The following FBH1 variants were observed in gnomAD, a reference collection of about 807,000 sequenced individuals.
The protein encoded by FBH1 is DNA 3'-5' helicase 1.
FBH1 carries 43 observed loss-of-function variants against 115.5 expected under a neutral mutation model. The observed-to-expected ratio is 0.37, with a 90% CI of 0.29 to 0.48. The LOEUF (loss-of-function observed/expected upper bound fraction) is 0.48, where lower values mean the gene tolerates loss of function less well. Ranked by LOEUF, FBH1 falls within the 20% of genes least tolerant of loss-of-function variation. The pLI is 0.99. For missense variants in FBH1, 1,001 were observed against 1,337.3 expected, an observed-to-expected ratio of 0.75 and a Z score of 3.92; for synonymous variants, 524 against 507.8, an observed-to-expected ratio of 1.03 and a Z score of -0.43.
In FBH1 at chr10:5,927,576, C is replaced by A. The variant is rs2132090022; in HGVS notation, c.2829+35C>A. On this transcript the variant is annotated intron_variant, in intron 19 of 20. Transcript: ENST00000362091. ...ACGGGCAGCATGAGCTAACTTGATG[C>A]CATTGAATGTTATTTAGTCTGCTTG... 4 of 1,536,082 alleles carry A rather than the reference C, an allele frequency of 2.6e-6. No individual in the cohort carries two copies. In the South Asian group the frequency reaches 3.4e-5, roughly 13 times the overall value.
Position 5,937,122 on chromosome 10 carries a change from G to A in FBH1, c.2974G>A (p.Glu992Lys), listed in dbSNP as rs1284465555. The change falls in exon 21 of 21, where the codon GAA (glutamate) becomes AAA (lysine). Residue 992 changes from glutamate to lysine, a missense_variant. Glu to Lys is a moderately conservative substitution (Grantham distance 56). This residue lies in a region of FBH1 where 521 missense variants were observed against 811.0 expected (regional missense o/e 0.64). Coordinates refer to ENST00000362091, the MANE Select transcript of FBH1 (RefSeq NM_178150.3). ...KLPITYSNRK[E>K]NKGGYLCHSC... ...TCCATCACCACAGAGCAACAGGAAG[G>A]AAAACAAGGGGGGCTACCTCTGCCA... 1 of 1,604,678 alleles carries A rather than the reference G, an allele frequency of 6.2e-7. No individual in the cohort carries two copies. The highest frequency in any genetic ancestry group is 1.1e-5 in the South Asian group (1 of 89,802).
chr10:5,924,145 T>G lies in FBH1; in HGVS notation c.2399-166T>G. 1 of 650,778 alleles carries G rather than the reference T, an allele frequency of 1.5e-6. No individual in the cohort carries two copies. Among genetic ancestry groups the G allele is most frequent in the East Asian group, 2.7e-5 (1 of 36,804 alleles). The allele number at this position is 650,778 out of a possible 1,614,324, so 40.3% of individuals were successfully genotyped here. On this transcript the variant is annotated intron_variant, in intron 16 of 20. Coordinates refer to ENST00000362091, the MANE Select transcript of FBH1 (RefSeq NM_178150.3). This position sits in a 1 kb window ranked among gnomAD's most constrained non-coding sequence, Gnocchi z 6.2. ...GGAGAGGCTACTGCACTGCACTGACTTGCCCAGGGACACACAGCGAGTTAG... is the reference window on the plus strand; with the variant it reads ...GGAGAGGCTACTGCACTGCACTGACGTGCCCAGGGACACACAGCGAGTTAG...
chr10:5,894,413 T>G, intron 1 of FBH1: 1 of 1,610,370 alleles, frequency 6.2e-7, no homozygotes, highest in Non-Finnish European at 8.5e-7. Context: ...AGATACAGAG[T>G]GAAGAATGTC....
intron 2 of FBH1, among the ~76,000 whole-genome samples, chr10:5,903,795 C>T (rs1843521950): frequency 6.6e-6 from 1 of 152,182 alleles, no homozygotes; most frequent in Admixed American, 6.5e-5. Context: ...ACTCTTCATT[C>T]ATCTTCTCTG....
Position 5,895,119 on chromosome 10 carries a change from T to G in FBH1, c.1+4773T>G, listed in dbSNP as rs755927988. 2 of 1,614,108 alleles carry G rather than the reference T, an allele frequency of 1.2e-6. No homozygotes were observed. Among genetic ancestry groups the G allele is most frequent in the East Asian group, 4.5e-5 (2 of 44,876 alleles). On this transcript the variant is annotated intron_variant, in intron 1 of 20. Transcript: ENST00000362091. This position sits in a 1 kb window ranked among gnomAD's most constrained non-coding sequence, Gnocchi z 5.0. ...AATGGGCTACATTGCGCAGGGCCCC[T>G]GGGCCATCTCCACAGGAGATGCCAG...
chr10:5,922,935 G>A (rs957208066), intron 15 of FBH1, among the ~76,000 whole-genome samples: 20 of 152,198 alleles, frequency 1.3e-4, no homozygotes, highest in African/African-American at 4.8e-5. Context: ...CCAGGCTGGA[G>A]TGCAATGGTG....
In FBH1 at chr10:5,921,500, C is replaced by G; in HGVS notation, c.2253C>G (p.Asn751Lys). 1 of 1,600,326 alleles carries G rather than the reference C, an allele frequency of 6.2e-7. No individual in the cohort carries two copies. The highest frequency in any genetic ancestry group is 2.2e-5 in the East Asian group (1 of 44,846). ...KGQVALLSRT[N>K]ANVFDEAVRV... The stretch of plus-strand genomic sequence containing the variant: ...AAGTGGCCTTGTTGTCCCGGACCAA[C>G]GCCAACGTGTTTGATGAGGCCGTAC... Residue 751 changes from asparagine to lysine, a missense_variant, in exon 15 of 21, where the codon AAC becomes AAG. Asn to Lys is a moderately conservative substitution (Grantham distance 94). This residue lies in a region of FBH1 where 521 missense variants were observed against 811.0 expected (regional missense o/e 0.64). Transcript: ENST00000362091. The surrounding 1 kb of genome is among the most constrained non-coding windows in gnomAD (Gnocchi z 6.4).
intron 6 of FBH1, among the ~76,000 whole-genome samples, chr10:5,912,776 A>T (rs1055946501): frequency 3.9e-5 from 6 of 152,212 alleles, no homozygotes; most frequent in African/African-American, 1.2e-4. Flanking sequence ...CTCACCTAAC[A>T]TTAACTACTT....
rs973401527 is a variant in FBH1 at position 5,931,119 on chromosome 10, T to G, written c.2829+3578T>G. 4.7e-5 allele frequency among the ~76,000 whole-genome samples: 7 copies of G among 150,488 alleles called. No individual in the cohort carries two copies. The highest frequency in any genetic ancestry group is 1.7e-4 in the African/African-American group (7 of 40,992). ...TAAAACAGCATATAGCAGTTTAAAA[T>G]GATGATGTTGTGAGCATCCACCAGA... On this transcript the variant is annotated intron_variant, in intron 19 of 20. Transcript: ENST00000362091. The surrounding 1 kb of genome is among the most constrained non-coding windows in gnomAD (Gnocchi z 4.3).
rs1832429680 is a variant in FBH1 at position 5,923,461 on chromosome 10, C to A, written c.2323-160C>A. ...GCTTCATGAAGTTTCCTGCTTGCCGCCTGTGCTTTGGGTGTCACTCAAGAT... is the reference window on the plus strand; with the variant it reads ...GCTTCATGAAGTTTCCTGCTTGCCGACTGTGCTTTGGGTGTCACTCAAGAT... On this transcript the variant is annotated intron_variant, in intron 15 of 20. Transcript: ENST00000362091. This position sits in a 1 kb window ranked among gnomAD's most constrained non-coding sequence, Gnocchi z 5.7. The A allele has an allele frequency of 1.7e-6, 1 of 598,448 alleles. No homozygotes were observed. The highest frequency in any genetic ancestry group is 2.9e-6 in the Non-Finnish European group (1 of 343,984). 37.1% of individuals were successfully genotyped at this position (598,448 alleles called of 1,614,324 possible). A position where few individuals can be genotyped will look rare whatever the true frequency, so the allele number is the denominator to read the frequency against.
chr10:5,893,915 A>G (rs1220493275), intron 1 of FBH1: 2 of 865,078 alleles, frequency 2.3e-6, no homozygotes, highest in Non-Finnish European at 2.8e-6. Context: ...ATATAAAATT[A>G]TATTCTAGAC....
intron 3 of FBH1, 73 bp from the exon 4 acceptor site, chr10:5,908,852 C>T (rs1346878450): frequency 3.2e-6 from 5 of 1,541,828 alleles, no homozygotes; most frequent in African/African-American, 2.7e-5. Context: ...CTCAGGCGAT[C>T]TGCCCGCCTC....
In FBH1 at chr10:5,925,573, G is replaced by A. The variant is rs1832595710; in HGVS notation, c.2722+81G>A. The A allele has an allele frequency of 6.3e-7, 1 of 1,578,842 alleles. No individual in the cohort carries two copies. Among genetic ancestry groups the A allele is most frequent in the African/African-American group, 1.3e-5 (1 of 74,156 alleles). The stretch of plus-strand genomic sequence containing the variant: ...AATGCTTCCTTTGCACGGCCTTGTT[G>A]TTTGTTGGATGGTGTGGCCTCCTGG... On this transcript the variant is annotated intron_variant, in intron 18 of 20. Coordinates refer to ENST00000362091, the MANE Select transcript of FBH1 (RefSeq NM_178150.3). This position sits in a 1 kb window ranked among gnomAD's most constrained non-coding sequence, Gnocchi z 4.6.
intron 1 of FBH1, among the ~76,000 whole-genome samples, chr10:5,896,059 G>A (rs934076660): frequency 6.6e-6 from 1 of 152,172 alleles, no homozygotes; most frequent in African/African-American, 2.4e-5. Flanking sequence ...GGGAGGAGTG[G>A]CAGACACGCA....
At chr10:5,908,692 C>T (rs530342593) in intron 3 of FBH1, among the ~76,000 whole-genome samples, 16 of 152,036 alleles carry the variant, frequency 1.1e-4, no homozygotes, top group South Asian at 6.2e-4. Flanking sequence ...CTGCAACCTC[C>T]GCCTCCCAGG....
chr10:5,925,280 G>T lies in FBH1; in HGVS notation c.2597-87G>T. On this transcript the variant is annotated intron_variant, in intron 17 of 20. Coordinates refer to ENST00000362091, the MANE Select transcript of FBH1 (RefSeq NM_178150.3). The surrounding 1 kb of genome is among the most constrained non-coding windows in gnomAD (Gnocchi z 4.6). ...CTGAGGCAAGAAATGTTCGAGTTCA[G>T]AGTCAAGTGGGAAACATGTATGTTT... The T allele has an allele frequency of 2.0e-6, 3 of 1,525,886 alleles. No individual in the cohort carries two copies. The highest frequency in any genetic ancestry group is 2.7e-6 in the Non-Finnish European group (3 of 1,122,538). 94.5% of individuals were successfully genotyped at this position (1,525,886 alleles called of 1,614,324 possible). A position where few individuals can be genotyped will look rare whatever the true frequency, so the allele number is the denominator to read the frequency against.
Position 5,917,713 on chromosome 10 carries a change from C to G in FBH1, c.1963+37C>G. 1 of 1,497,332 alleles carries G rather than the reference C, an allele frequency of 6.7e-7. No homozygotes were observed. Among genetic ancestry groups the G allele is most frequent in the African/African-American group, 1.4e-5 (1 of 72,840 alleles). 92.8% of individuals were successfully genotyped at this position (1,497,332 alleles called of 1,614,324 possible). Reference sequence around the variant, plus strand: ...TTCAGGACATCAGTAGTGTCAAATACGTAGAAACAGCGCCATGATTATGTA... The same window carrying G: ...TTCAGGACATCAGTAGTGTCAAATAGGTAGAAACAGCGCCATGATTATGTA... On this transcript the variant is annotated intron_variant, in intron 12 of 20. Coordinates refer to ENST00000362091, the MANE Select transcript of FBH1 (RefSeq NM_178150.3). The surrounding 1 kb of genome is among the most constrained non-coding windows in gnomAD (Gnocchi z 5.6).
At position 5,917,368 on chromosome 10, in the gene FBH1, C is replaced by A; in HGVS notation, c.1789-52C>A. 1 of 1,495,506 alleles carries A rather than the reference C, an allele frequency of 6.7e-7. No homozygotes were observed. Among genetic ancestry groups the A allele is most frequent in the Non-Finnish European group, 9.3e-7 (1 of 1,076,974 alleles). The allele number at this position is 1,495,506 out of a possible 1,614,324, so 92.6% of individuals were successfully genotyped here. ...GAGTTGACAGTGTGACCGCAGGGTG[C>A]TGCCTTTGCCAGGGTCTCAAACTCT... On this transcript the variant is annotated intron_variant, in intron 10 of 20. Transcript: ENST00000362091. The surrounding 1 kb of genome is among the most constrained non-coding windows in gnomAD (Gnocchi z 5.6).
Position 5,897,111 on chromosome 10 carries a change from A to C in FBH1, c.2-5909A>C, listed in dbSNP as rs1843054731. On this transcript the variant is annotated intron_variant, in intron 1 of 20. Coordinates refer to ENST00000362091, the MANE Select transcript of FBH1 (RefSeq NM_178150.3). This position sits in a 1 kb window ranked among gnomAD's most constrained non-coding sequence, Gnocchi z 4.7. ...AGACCCTCAGATTGGTGTGGTAGTC[A>C]CATATTTCTTCTGACGTTTCTGTTG... is the stretch of plus-strand genomic sequence containing the variant. Among the ~76,000 whole-genome samples, 1 of 152,194 alleles carries C rather than the reference A, an allele frequency of 6.6e-6. No homozygotes were observed.
Sources: gnomAD v4.1 joint callset for allele counts (sites outside exome capture counted in the v4.1 genomes callset) on GRCh38, gnomAD v4.1.1 for gene constraint, gnomAD v4.1.1 regional missense constraint, Gnocchi (gnomAD v3.1) non-coding constraint, MANE v1.5 for transcripts, NCBI Gene and HGNC (gene_info 2026-07-23, HGNC 2026-07-21) for gene names.